LAMA2: variants seen among roughly 807,000 people sequenced by gnomAD.
LAMA2 encodes laminin subunit alpha 2.
Under a neutral mutation model 364.8 loss-of-function variants are expected in LAMA2, and 269 were observed. The observed-to-expected ratio is 0.74, with a 90% confidence interval of 0.67 to 0.82. The LOEUF (loss-of-function observed/expected upper bound fraction) is 0.82, where lower values mean the gene tolerates loss of function less well. LAMA2 is among the 40% of genes least tolerant of loss of function. The pLI, the probability that LAMA2 is intolerant of heterozygous loss-of-function variation, is 0.00. For missense variants in LAMA2, 3,807 were observed against 3,873.2 expected, an observed-to-expected ratio of 0.98 and a Z score of 0.45; for synonymous variants, 1,379 against 1,370.6, an observed-to-expected ratio of 1.01 and a Z score of -0.14.
intron 1 of LAMA2, among the ~76,000 whole-genome samples, chr6:128,950,179 A>C (rs73773588): frequency 0.041 from 6,167 of 152,196 alleles, 440 homozygotes; most frequent in African/African-American, 0.14. Flanking sequence ...GAAATGAATA[A>C]ATCTGAGATA....
chr6:129,214,477 A>C (rs1783299983), intron 12 of LAMA2, among the ~76,000 whole-genome samples: 1 of 152,192 alleles, frequency 6.6e-6, no homozygotes, highest in African/African-American at 2.4e-5. Context: ...GTGACAAACC[A>C]TATTCTAACC....
At chr6:129,060,864 C>T (rs781243880) in intron 3 of LAMA2, among the ~76,000 whole-genome samples, 29 of 152,194 alleles carry the variant, frequency 1.9e-4, no homozygotes, top group African/African-American at 6.0e-4. Flanking sequence ...TGGTGGATTG[C>T]ACGGTAGACC....
chr6:129,018,330 T>G (rs1444036797), intron 1 of LAMA2, among the ~76,000 whole-genome samples: 1 of 151,952 alleles, frequency 6.6e-6, no homozygotes. Context: ...TGTCAGGAAA[T>G]CAATTTGAAG....
chr6:129,177,495 A>G (rs940874207), intron 9 of LAMA2, among the ~76,000 whole-genome samples: 5 of 152,124 alleles, frequency 3.3e-5, no homozygotes, highest in African/African-American at 7.2e-5. Context: ...TAATATTTCT[A>G]TTGACACTTA....
intron 17 of LAMA2, among the ~76,000 whole-genome samples, chr6:129,277,535 A>G (rs926591537): frequency 5.3e-5 from 8 of 152,166 alleles, no homozygotes; most frequent in African/African-American, 9.7e-5. Context: ...GAGTATCTAT[A>G]TTACTAGAAA....
intron 1 of LAMA2, among the ~76,000 whole-genome samples, chr6:128,887,590 TG>T (rs1183694012): frequency 6.6e-6 from 1 of 152,088 alleles, no homozygotes; most frequent in African/African-American, 2.4e-5. Flanking sequence ...TGCTGGGGGC[TG>T]GGCAAGGTGG....
At chr6:129,347,758 A>G (rs556063910) in intron 30 of LAMA2, among the ~76,000 whole-genome samples, 1 of 152,334 alleles carries the variant, frequency 6.6e-6, no homozygotes, top group East Asian at 1.9e-4. Context: ...AATAAACTCA[A>G]GCTTCAAGTG....
At chr6:128,943,629 T>A (rs1431758334) in intron 1 of LAMA2, among the ~76,000 whole-genome samples, 1 of 152,174 alleles carries the variant, frequency 6.6e-6, no homozygotes, top group Non-Finnish European at 1.5e-5. Context: ...CTAGGAACAA[T>A]GAGACTTTTT....
chr6:129,067,850 T>C (rs1773037401), intron 3 of LAMA2, among the ~76,000 whole-genome samples: 1 of 152,194 alleles, frequency 6.6e-6, no homozygotes. Flanking sequence ...CTCCTTTTGG[T>C]TTTTATTCAA....
chr6:129,445,941 A>C, intron 45 of LAMA2, 120 bp downstream of exon 45: 1 of 986,184 alleles, frequency 1.0e-6, no homozygotes, highest in East Asian at 2.6e-5. Flanking sequence ...CTTTAACTCG[A>C]AGCGATTTGG....
intron 15 of LAMA2, among the ~76,000 whole-genome samples, chr6:129,262,769 C>G (rs1238108316): frequency 2.0e-5 from 3 of 152,244 alleles, no homozygotes; most frequent in Admixed American, 2.0e-4. Context: ...GCCAGTCATT[C>G]TAGCCTTGTT....
intron 20 of LAMA2, among the ~76,000 whole-genome samples, chr6:129,293,827 T>C (rs1455495670): frequency 6.6e-6 from 1 of 152,098 alleles, no homozygotes; most frequent in Non-Finnish European, 1.5e-5. Flanking sequence ...AAAAAACAAT[T>C]CATGGTTTTA....
chr6:129,138,411 A>G (rs1777929144), intron 4 of LAMA2, among the ~76,000 whole-genome samples: 1 of 152,126 alleles, frequency 6.6e-6, no homozygotes, highest in Non-Finnish European at 1.5e-5. Context: ...ACTGTGCCTG[A>G]TATAATTGGA....
intron 43 of LAMA2, among the ~76,000 whole-genome samples, chr6:129,441,982 CAAA>C (rs796747068): frequency 7.3e-6 from 1 of 136,358 alleles, no homozygotes; most frequent in Non-Finnish European, 1.6e-5. Context: ...GATGCTGTCT[CAAA>C]AAAAAAAAAG....
At chr6:128,907,757 T>C (rs1777588259) in intron 1 of LAMA2, among the ~76,000 whole-genome samples, 1 of 152,214 alleles carries the variant, frequency 6.6e-6, no homozygotes, top group African/African-American at 2.4e-5. Flanking sequence ...TTCAGTATGA[T>C]ATTCGCTGTG....
intron 1 of LAMA2, among the ~76,000 whole-genome samples, chr6:128,994,355 A>G (rs1783794739): frequency 6.6e-6 from 1 of 152,204 alleles, no homozygotes; most frequent in Non-Finnish European, 1.5e-5. Context: ...AATAGGGGGA[A>G]CTTTTGATCT....
intron 8 of LAMA2, 129 bp from the exon 9 acceptor site, chr6:129,165,447 T>G: frequency 1.6e-6 from 1 of 622,058 alleles, no homozygotes; most frequent in Non-Finnish European, 2.9e-6. Context: ...TAAAGGTAAT[T>G]CTTATAGTTT....
At chr6:129,480,279 A>ATTCT (rs1241893730) in intron 54 of LAMA2, among the ~76,000 whole-genome samples, 5 of 152,190 alleles carry the variant, frequency 3.3e-5, no homozygotes. Context: ...ACATTAAAGG[A>ATTCT]TTCTTTGCTT....
chr6:129,308,943 C>T (rs1244981490), intron 22 of LAMA2, among the ~76,000 whole-genome samples: 1 of 152,178 alleles, frequency 6.6e-6, no homozygotes, highest in Non-Finnish European at 1.5e-5. Context: ...CCTGAGGGAT[C>T]AGCCCCCATG....
Sources: gnomAD v4.1 joint callset for allele counts (sites outside exome capture counted in the v4.1 genomes callset) on GRCh38, gnomAD v4.1.1 for gene constraint, MANE v1.5 for transcripts, NCBI Gene and HGNC (gene_info 2026-07-23, HGNC 2026-07-21) for gene names.